Variants in TIMM50 observed in about 807,000 individuals in gnomAD.
The protein encoded by TIMM50 is mitochondrial import inner membrane translocase subunit TIM50.
In TIMM50, 34 loss-of-function variants were observed where a neutral mutation model predicts 49.6. The ratio of observed to expected loss-of-function variants is 0.69; its 90% CI spans 0.52 to 0.91. The LOEUF (loss-of-function observed/expected upper bound fraction) is 0.91. Among genes scored for constraint, TIMM50 ranks in the 40% least tolerant of loss-of-function variants. The probability of loss-of-function intolerance (pLI) is 0.00; values close to 1 mark genes in which losing one functional copy is unlikely to be tolerated. For missense variants in TIMM50, 458 were observed against 477.8 expected (o/e 0.96, Z 0.39); for synonymous variants, 199 against 198.4 (o/e 1.00, Z -0.03).
chr19:39,485,039 C>T (rs951220199), intron 4 of TIMM50: 2 of 163,836 alleles, frequency 1.2e-5, no homozygotes, highest in Non-Finnish European at 2.7e-5. Flanking sequence ...TCGCTGCAAC[C>T]TCCACCTCCC....
In TIMM50 at chr19:39,480,973, G is replaced by A. The variant is rs542310768; in HGVS notation, c.108+12G>A. 5.7e-6 allele frequency: 9 copies of A among 1,574,790 alleles called. No individual in the cohort carries two copies. Among genetic ancestry groups the A allele is most frequent in the South Asian group, 1.1e-5 (1 of 88,052 alleles). Reference sequence around the variant, plus strand: ...GGGCCCCAGATCAGGTGAGCGGAACGAGGGTGGCCCTCTGAATGTGGGGTC... The same window carrying A: ...GGGCCCCAGATCAGGTGAGCGGAACAAGGGTGGCCCTCTGAATGTGGGGTC... On this transcript the variant is annotated intron_variant, in intron 1 of 10. Transcript: ENST00000607714.
chr19:39,481,208 C>T lies in TIMM50; in HGVS notation c.108+247C>T, dbSNP rs555958881. The T allele has an allele frequency of 3.2e-4, 175 of 552,188 alleles. 3 individuals carry two copies. In the South Asian group the frequency reaches 4.2e-3, roughly 13 times the overall value. The allele number at this position is 552,188 out of a possible 1,614,324, so 34.2% of individuals were successfully genotyped here. On this transcript the variant is annotated intron_variant, in intron 1 of 10. Coordinates refer to ENST00000607714, the MANE Select transcript of TIMM50 (RefSeq NM_001001563.5). The stretch of plus-strand genomic sequence containing the variant: ...GCCGGAGGAGGAGGGGGTTACCGTT[C>T]CCCGTTTCAGTGACCACTCAGGTGA...
intron 10 of TIMM50, among the ~76,000 whole-genome samples, chr19:39,488,995 G>A (rs992276713): frequency 5.3e-5 from 8 of 152,122 alleles, no homozygotes; most frequent in Middle Eastern, 3.4e-3. Context: ...CCCTGGGCAC[G>A]TGGCCCAAGG....
In TIMM50 at chr19:39,489,851, G is replaced by A. The variant is rs2079533436; in HGVS notation, c.*31G>A. Reference sequence around the variant, plus strand: ...GGGCCTCCTCAAACTCAGTGCCTGGGTCCAGGGCCCCAGTGCTTCCAGACC... The same window carrying A: ...GGGCCTCCTCAAACTCAGTGCCTGGATCCAGGGCCCCAGTGCTTCCAGACC... On this transcript the variant is annotated 3_prime_UTR_variant, in exon 11 of 11. Coordinates refer to ENST00000607714, the MANE Select transcript of TIMM50 (RefSeq NM_001001563.5). 6.3e-7 allele frequency: 1 copy of A among 1,578,096 alleles called. No individual in the cohort carries two copies. The highest frequency in any genetic ancestry group is 8.6e-7 in the Non-Finnish European group (1 of 1,160,308).
intron 1 of TIMM50, 95 bp from the exon 2 acceptor site, chr19:39,481,788 T>C: frequency 2.0e-6 from 3 of 1,491,768 alleles, no homozygotes; most frequent in Non-Finnish European, 2.7e-6. Context: ...GGTGTCTGCC[T>C]CTTGGCTCCT....
chr19:39,485,840 A>G (rs1007925092), intron 6 of TIMM50, 33 bp downstream of exon 6: 2 of 1,612,824 alleles, frequency 1.2e-6, no homozygotes, highest in Admixed American at 1.7e-5. Flanking sequence ...GGTTGGGGAT[A>G]GACCTGGGCA....
At chr19:39,489,174 G>C (rs2079527692) in intron 10 of TIMM50, among the ~76,000 whole-genome samples, 1 of 152,028 alleles carries the variant, frequency 6.6e-6, no homozygotes, top group Non-Finnish European at 1.5e-5. Context: ...GAAGTCCCTA[G>C]AGATTTGGGC....
At chr19:39,484,301 G>T (rs2079490845) in intron 4 of TIMM50, among the ~76,000 whole-genome samples, 1 of 152,152 alleles carries the variant, frequency 6.6e-6, no homozygotes, top group Admixed American at 6.5e-5. Flanking sequence ...CTACTCAGGA[G>T]GCTGAGGTGG....
At chr19:39,485,378 C>A in intron 4 of TIMM50, 166 bp from the exon 5 acceptor site, 1 of 697,996 alleles carries the variant, frequency 1.4e-6, no homozygotes, top group Non-Finnish European at 2.5e-6. Context: ...GTGTTCCTAT[C>A]TGGCGGTATG....
chr19:39,488,013 G>T (rs1568442913), intron 8 of TIMM50, 48 bp from the exon 9 acceptor site: 1 of 1,574,860 alleles, frequency 6.3e-7, no homozygotes, highest in East Asian at 2.3e-5. Context: ...TTCTTGATGG[G>T]GGGAGAGTTG....
At chr19:39,483,530 G>A (rs1468758688) in intron 4 of TIMM50, 6 of 218,126 alleles carry the variant, frequency 2.8e-5, no homozygotes, top group East Asian at 1.1e-4. Flanking sequence ...AAACTATGCC[G>A]CCTTCCTCTC....
chr19:39,489,209 C>G lies in TIMM50; in HGVS notation c.961-510C>G, dbSNP rs558379281. On this transcript the variant is annotated intron_variant, in intron 10 of 10. Transcript: ENST00000607714. ...CCTGGGGACCCCCCAGGGAACCCCC[C>G]ACCCCTGCATCCAGAGAGGGGTCAT... 4.0e-5 allele frequency among the ~76,000 whole-genome samples: 6 copies of G among 151,804 alleles called. No homozygotes were observed. The East Asian group carries it at 1.2e-3, about 30-fold the overall frequency.
intron 4 of TIMM50, 131 bp downstream of exon 4, chr19:39,483,287 G>A (rs2079484830): frequency 4.0e-6 from 5 of 1,246,550 alleles, no homozygotes; most frequent in Middle Eastern, 1.9e-4. Flanking sequence ...GCCAGCAGCT[G>A]GATGGCTTTG....
At chr19:39,483,434 G>A in intron 4 of TIMM50, 1 of 507,684 alleles carries the variant, frequency 2.0e-6, no homozygotes, top group South Asian at 2.6e-5. Context: ...CAGACACATG[G>A]GTTCCTGTGC....
chr19:39,482,729 G>T (rs2079480808), intron 2 of TIMM50, among the ~76,000 whole-genome samples, 156 bp from the exon 3 acceptor site: 1 of 151,542 alleles, frequency 6.6e-6, no homozygotes. Flanking sequence ...AAAGACCCAG[G>T]AATCTTGGCT....
At chr19:39,481,093 C>A in intron 1 of TIMM50, 132 bp downstream of exon 1, 1 of 1,196,306 alleles carries the variant, frequency 8.4e-7, no homozygotes, top group Non-Finnish European at 1.1e-6. Context: ...TGTTTTGGGG[C>A]CCTTCCCAAC....
At chr19:39,487,835 G>GC (rs1486188455) in intron 8 of TIMM50, among the ~76,000 whole-genome samples, 1 of 151,794 alleles carries the variant, frequency 6.6e-6, no homozygotes, top group African/African-American at 2.4e-5. Context: ...CAGGTGATCC[G>GC]CCCGCCTCGG....
At chr19:39,488,748 G>C in intron 10 of TIMM50, 103 bp downstream of exon 10, 1 of 863,822 alleles carries the variant, frequency 1.2e-6, no homozygotes, top group Non-Finnish European at 1.9e-6. Context: ...GTGTGACCCT[G>C]AGCAGATACC....
intron 2 of TIMM50, 97 bp from the exon 3 acceptor site, chr19:39,482,788 C>T: frequency 6.5e-7 from 1 of 1,546,340 alleles, no homozygotes; most frequent in Non-Finnish European, 8.9e-7. Flanking sequence ...TCTCTCTTTC[C>T]TCAGATCCAG....
Sources: gnomAD v4.1 joint callset for allele counts (sites outside exome capture counted in the v4.1 genomes callset) on GRCh38, gnomAD v4.1.1 for gene constraint, MANE v1.5 for transcripts, NCBI Gene and HGNC (gene_info 2026-07-23, HGNC 2026-07-21) for gene names.